CCDC178: variants seen among roughly 807,000 people sequenced by gnomAD.
CCDC178 encodes the protein coiled-coil domain-containing protein 178.
Under a neutral mutation model 117.4 loss-of-function variants are expected in CCDC178, and 126 were observed. That is an observed-to-expected ratio of 1.07 (90% confidence interval 0.93 to 1.24). CCDC178 has a LOEUF of 1.24. Ranked by LOEUF, CCDC178 falls within the 50% of genes most tolerant of loss-of-function variation. The pLI is 0.00. For synonymous variants in CCDC178, 283 were observed against 313.4 expected, an observed-to-expected ratio of 0.90 and a Z score of 1.02; for missense variants, 1,030 against 986.9, an observed-to-expected ratio of 1.04 and a Z score of -0.59.
In CCDC178 at chr18:33,224,674, T is replaced by C. The variant is rs576466204; in HGVS notation, c.1818+101A>G. The C allele has an allele frequency of 4.2e-6, 3 of 716,924 alleles. No homozygotes were observed. In the African/African-American group the frequency reaches 5.5e-5, roughly 13 times the overall value. 44.4% of individuals were successfully genotyped at this position (716,924 alleles called of 1,614,324 possible). A position where few individuals can be genotyped will look rare whatever the true frequency, so the allele number is the denominator to read the frequency against. ...GAAATAGTTACTTAGTTTGCCCCTA[T>C]GTGAAATCATAATTTCCCAAATGAT... On this transcript the variant is annotated intron_variant, in intron 17 of 22. Transcript: ENST00000383096.
chr18:33,311,900 G>A (rs2062348828), intron 11 of CCDC178, among the ~76,000 whole-genome samples: 1 of 152,126 alleles, frequency 6.6e-6, no homozygotes, highest in African/African-American at 2.4e-5. Context: ...AGGATTATAG[G>A]AGTGTGAAGG....
chr18:33,310,679 C>T (rs1242083478), intron 11 of CCDC178, among the ~76,000 whole-genome samples: 3 of 151,914 alleles, frequency 2.0e-5, no homozygotes, highest in Admixed American at 6.6e-5. Flanking sequence ...GAGTGAGACC[C>T]CCTCTGAAAA....
intron 2 of CCDC178, among the ~76,000 whole-genome samples, chr18:33,424,272 T>C (rs2064081080): frequency 1.3e-5 from 2 of 152,188 alleles, no homozygotes; most frequent in South Asian, 4.1e-4. Flanking sequence ...GGTTTAACAA[T>C]GGAAAATACT....
At chr18:33,298,188 A>C (rs754025647) in intron 11 of CCDC178, among the ~76,000 whole-genome samples, 36 of 152,226 alleles carry the variant, frequency 2.4e-4, no homozygotes, top group Non-Finnish European at 3.7e-4. Flanking sequence ...AAACACTATA[A>C]GCCAATATAT....
intron 8 of CCDC178, among the ~76,000 whole-genome samples, chr18:33,348,359 A>G (rs2062924644): frequency 6.6e-6 from 1 of 151,874 alleles, no homozygotes; most frequent in Admixed American, 6.6e-5. Context: ...CTGTATATAA[A>G]ATATATATTT....
rs1477793322 is a variant in CCDC178 at position 33,322,027 on chromosome 18, AG to A, written c.1022+1463del. On this transcript the variant is annotated intron_variant, in intron 11 of 22. Coordinates refer to ENST00000383096, the MANE Select transcript of CCDC178 (RefSeq NM_001105528.4). ...GCAAAAATGTTCCAAGAGTCAAAAA[AG>A]GTCAATTCCTAATGATAAGGAGGTT... 2.0e-5 allele frequency among the ~76,000 whole-genome samples: 3 copies of A among 152,000 alleles called. No individual in the cohort carries two copies. The East Asian group carries it at 5.8e-4, about 29-fold the overall frequency.
At chr18:33,303,925 A>G (rs2062214786) in intron 11 of CCDC178, among the ~76,000 whole-genome samples, 1 of 152,146 alleles carries the variant, frequency 6.6e-6, no homozygotes, top group East Asian at 1.9e-4. Flanking sequence ...CATCCTATGC[A>G]GTTCATGGAA....
At chr18:33,399,987 C>T (rs1220241376) in intron 3 of CCDC178, among the ~76,000 whole-genome samples, 2 of 152,072 alleles carry the variant, frequency 1.3e-5, no homozygotes, top group Non-Finnish European at 2.9e-5. Context: ...GATCCACAGG[C>T]TGCAGGATGG....
At chr18:33,119,077 T>C (rs1385662788) in intron 20 of CCDC178, among the ~76,000 whole-genome samples, 1 of 152,100 alleles carries the variant, frequency 6.6e-6, no homozygotes, top group East Asian at 1.9e-4. Flanking sequence ...CCTAAAACCA[T>C]AAAAACCCTA....
At chr18:33,367,695 A>G (rs1193302386) in intron 6 of CCDC178, among the ~76,000 whole-genome samples, 1 of 152,000 alleles carries the variant, frequency 6.6e-6, no homozygotes, top group Non-Finnish European at 1.5e-5. Flanking sequence ...TGAACTAAAT[A>G]TCTAATGGAG....
At chr18:32,988,127 C>T (rs1348346397) in intron 21 of CCDC178, among the ~76,000 whole-genome samples, 3 of 143,808 alleles carry the variant, frequency 2.1e-5, no homozygotes, top group African/African-American at 7.8e-5. Context: ...ATAAATTTAT[C>T]AAAATTAATC....
At chr18:33,221,642 T>A (rs1342365535) in intron 18 of CCDC178, among the ~76,000 whole-genome samples, 2 of 152,142 alleles carry the variant, frequency 1.3e-5, no homozygotes, top group Non-Finnish European at 2.9e-5. Flanking sequence ...ACTTCTTTTG[T>A]AAGCTGTGAC....
chr18:33,160,446 G>A (rs1479589162), intron 20 of CCDC178, among the ~76,000 whole-genome samples: 1 of 151,968 alleles, frequency 6.6e-6, no homozygotes, highest in African/African-American at 2.4e-5. Flanking sequence ...ATTTTATCTT[G>A]TAATTTTATA....
chr18:33,125,724 A>G (rs1197486523), intron 20 of CCDC178, among the ~76,000 whole-genome samples: 1 of 152,216 alleles, frequency 6.6e-6, no homozygotes, highest in Non-Finnish European at 1.5e-5. Context: ...CTGAAAAGGA[A>G]CACCTGCTTT....
At chr18:33,159,958 A>G (rs934813815) in intron 20 of CCDC178, among the ~76,000 whole-genome samples, 1 of 152,132 alleles carries the variant, frequency 6.6e-6, no homozygotes, top group African/African-American at 2.4e-5. Flanking sequence ...ATTCCTATCA[A>G]TCATCAGAGT....
chr18:33,319,344 A>C (rs1389325348), intron 11 of CCDC178, among the ~76,000 whole-genome samples: 1 of 151,786 alleles, frequency 6.6e-6, no homozygotes, highest in Non-Finnish European at 1.5e-5. Context: ...TTCCAGCTTC[A>C]TCCATGTCCC....
intron 21 of CCDC178, among the ~76,000 whole-genome samples, chr18:33,090,165 TAA>T (rs1307077092): frequency 1.2e-4 from 18 of 152,164 alleles, no homozygotes; most frequent in Admixed American, 9.2e-4. Context: ...TTGTGTCAAG[TAA>T]GGGGACATTA....
At chr18:33,237,260 C>T (rs1334844904) in intron 15 of CCDC178, among the ~76,000 whole-genome samples, 1 of 152,152 alleles carries the variant, frequency 6.6e-6, no homozygotes, top group East Asian at 1.9e-4. Flanking sequence ...TGGTCCTGCA[C>T]ATCATGGAAA....
At chr18:33,415,006 A>C (rs1295278827) in intron 2 of CCDC178, among the ~76,000 whole-genome samples, 1 of 152,224 alleles carries the variant, frequency 6.6e-6, no homozygotes, top group Non-Finnish European at 1.5e-5. Flanking sequence ...ATGAGATACC[A>C]TCTCACACCA....
Sources: gnomAD v4.1 joint callset for allele counts (sites outside exome capture counted in the v4.1 genomes callset) on GRCh38, gnomAD v4.1.1 for gene constraint, MANE v1.5 for transcripts, NCBI Gene and HGNC (gene_info 2026-07-23, HGNC 2026-07-21) for gene names.